STAG1: variants seen among roughly 807,000 people sequenced by gnomAD.
The protein encoded by STAG1 is STAG1 cohesin complex component.
Under a neutral mutation model 170.9 loss-of-function variants are expected in STAG1, and 26 were observed. The observed-to-expected ratio is 0.15, with a 90% CI of 0.11 to 0.21. STAG1 has a LOEUF of 0.21. Ranked by LOEUF, STAG1 falls within the 10% of genes least tolerant of loss-of-function variation. STAG1 has a pLI of 1.00. For synonymous variants in STAG1, 514 were observed against 497.7 expected (o/e 1.03, Z -0.44); for missense variants, 964 against 1,509.5 (o/e 0.64, Z 5.99).
At chr3:136,702,075 A>AAGAGAGAGAGAGAGAGAGAGAGAGAG (rs745623191) in intron 1 of STAG1, among the ~76,000 whole-genome samples, 12 of 92,216 alleles carry the variant, frequency 1.3e-4, no homozygotes, top group African/African-American at 1.4e-4. Flanking sequence ...ACCATGCCGA[A>AAGAGAGAGAGAGAGAGAGAGAGAGAG]AGAGAGAGAG....
At chr3:136,533,724 C>G (rs1163207603) in intron 6 of STAG1, among the ~76,000 whole-genome samples, 1 of 152,178 alleles carries the variant, frequency 6.6e-6, no homozygotes, top group Non-Finnish European at 1.5e-5. Flanking sequence ...CCACCAGGCC[C>G]CACTTCCGAC....
At chr3:136,607,099 A>C (rs564767601) in intron 3 of STAG1, among the ~76,000 whole-genome samples, 2 of 152,144 alleles carry the variant, frequency 1.3e-5, no homozygotes, top group South Asian at 4.2e-4. Flanking sequence ...TACTATCAAC[A>C]TAATTAATCA....
At chr3:136,517,130 T>C (rs1364655788) in intron 7 of STAG1, among the ~76,000 whole-genome samples, 3 of 152,174 alleles carry the variant, frequency 2.0e-5, no homozygotes, top group African/African-American at 7.2e-5. Flanking sequence ...CCATAAGGTA[T>C]AAAGAAATGT....
intron 3 of STAG1, among the ~76,000 whole-genome samples, chr3:136,606,246 T>C (rs1307709646): frequency 6.6e-6 from 1 of 151,968 alleles, no homozygotes; most frequent in African/African-American, 2.4e-5. Context: ...TGGAGTGCAG[T>C]GACACAATCT....
rs183243600 is a variant in STAG1 at position 136,342,339 on chromosome 3, A to T, written c.3447-788T>A. Among the ~76,000 whole-genome samples the T allele has an allele frequency of 2.7e-5, 4 of 147,410 alleles. No individual in the cohort carries two copies. In the East Asian group the frequency reaches 8.2e-4, roughly 30 times the overall value. On this transcript the variant is annotated intron_variant, in intron 30 of 33. Coordinates refer to ENST00000383202, the MANE Select transcript of STAG1 (RefSeq NM_005862.3). ...CAGCCAGGAATTTTTTTTTTTTAAG[A>T]CAGGTTCTCACTCTTGTCACCCAGG...
At chr3:136,476,697 G>A (rs1490772530) in intron 10 of STAG1, among the ~76,000 whole-genome samples, 1 of 151,936 alleles carries the variant, frequency 6.6e-6, no homozygotes, top group Non-Finnish European at 1.5e-5. Context: ...TCTACTTTGG[G>A]GCTCTAATAT....
intron 1 of STAG1, 106 bp from the exon 2 acceptor site, chr3:136,631,087 T>C (rs1203421086): frequency 1.8e-6 from 1 of 544,510 alleles, no homozygotes; most frequent in Admixed American, 3.7e-5. Flanking sequence ...ACTTGGCATT[T>C]ACCCAAATGA....
rs1033261691 is a variant in STAG1, at chr3:136,472,413, T to C, written c.1205A>G (p.His402Arg). 6.2e-7 allele frequency: 1 copy of C among 1,605,962 alleles called. No individual in the cohort carries two copies. Among genetic ancestry groups the C allele is most frequent in the Non-Finnish European group, 8.5e-7 (1 of 1,173,850 alleles). The change falls in exon 12 of 34, where the codon CAT becomes CGT. Residue 402 changes from histidine to arginine, a missense_variant and splice_region_variant. Coordinates refer to ENST00000383202, the MANE Select transcript of STAG1 (RefSeq NM_005862.3). ...EAIRLVTLIL[H>R]GSEEALSNED... The stretch of plus-strand genomic sequence containing the variant: ...TAAAATAGTAATGGATATTACTTAC[T>C]GAAGTATCAGAGTAACCAATCGAAT...
intron 22 of STAG1, among the ~76,000 whole-genome samples, chr3:136,389,844 T>C (rs1349058380): frequency 6.6e-6 from 1 of 151,288 alleles, no homozygotes; most frequent in African/African-American, 2.4e-5. Flanking sequence ...TTTCTTTTTT[T>C]TTTTTGAGAT....
At chr3:136,597,586 A>G (rs1938486059) in intron 4 of STAG1, among the ~76,000 whole-genome samples, 1 of 152,182 alleles carries the variant, frequency 6.6e-6, no homozygotes, top group Non-Finnish European at 1.5e-5. Flanking sequence ...TATCTTGAAT[A>G]TGCTCGTTTC....
intron 23 of STAG1, among the ~76,000 whole-genome samples, chr3:136,370,780 T>C (rs1272612466): frequency 1.3e-5 from 2 of 152,240 alleles, no homozygotes; most frequent in African/African-American, 4.8e-5. Context: ...TTTGGGTTGG[T>C]TCCAAGTCTT....
chr3:136,602,750 C>G (rs902551632), intron 4 of STAG1, among the ~76,000 whole-genome samples: 21 of 151,832 alleles, frequency 1.4e-4, no homozygotes, highest in African/African-American at 4.6e-4. Flanking sequence ...ATTCAGGAGG[C>G]TGAGGCACAA....
chr3:136,719,257 A>C (rs2107927258), intron 1 of STAG1, among the ~76,000 whole-genome samples: 1 of 152,334 alleles, frequency 6.6e-6, no homozygotes, highest in Middle Eastern at 3.4e-3. Flanking sequence ...TAAAAGCCAA[A>C]CATAAGAGCA....
intron 1 of STAG1, among the ~76,000 whole-genome samples, chr3:136,656,082 C>G (rs369824709): frequency 6.6e-5 from 10 of 151,798 alleles, no homozygotes; most frequent in Admixed American, 2.0e-4. Context: ...ATTATTCAGC[C>G]TTAAAAAAGA....
chr3:136,493,329 T>TAA (rs1325530078), intron 9 of STAG1, among the ~76,000 whole-genome samples: 1 of 150,566 alleles, frequency 6.6e-6, no homozygotes, highest in African/African-American at 2.4e-5. Flanking sequence ...GGTGACAGAG[T>TAA]AAAACCCTGT....
At chr3:136,614,945 AAG>A (rs1939508823) in intron 3 of STAG1, among the ~76,000 whole-genome samples, 1 of 152,204 alleles carries the variant, frequency 6.6e-6, no homozygotes, top group Non-Finnish European at 1.5e-5. Flanking sequence ...TTAAAAGATA[AAG>A]AGATAAATAC....
At chr3:136,389,827 AT>A (rs1233996683) in intron 22 of STAG1, among the ~76,000 whole-genome samples, 1 of 137,960 alleles carries the variant, frequency 7.2e-6, no homozygotes, top group Non-Finnish European at 1.6e-5. Flanking sequence ...GCCTTATGCT[AT>A]TTTTTTTTCT....
chr3:136,652,907 T>C (rs1341820894), intron 1 of STAG1, among the ~76,000 whole-genome samples: 1 of 152,102 alleles, frequency 6.6e-6, no homozygotes, highest in African/African-American at 2.4e-5. Context: ...TCCTAAACTG[T>C]GACAACCAAA....
intron 13 of STAG1, among the ~76,000 whole-genome samples, chr3:136,454,958 A>G (rs1290345851): frequency 6.6e-6 from 1 of 152,162 alleles, no homozygotes; most frequent in Non-Finnish European, 1.5e-5. Context: ...TTTCTAAGTC[A>G]CCATATTAAA....
Sources: allele counts gnomAD v4.1 joint callset (sites outside exome capture counted in the v4.1 genomes callset), GRCh38; gene constraint gnomAD v4.1.1; transcripts MANE v1.5; gene names NCBI Gene and HGNC (gene_info 2026-07-23, HGNC 2026-07-21).